The following RAP1A variants were observed in gnomAD, a reference collection of about 807,000 sequenced individuals.
RAP1A encodes the protein ras-related protein Rap-1A.
A neutral mutation model predicts 26.4 loss-of-function variants in RAP1A; 6 were observed. That is an observed-to-expected ratio of 0.23 (90% CI 0.12 to 0.45). The LOEUF is 0.45. RAP1A is among the 20% of genes least tolerant of loss of function. The pLI is 0.99. For missense variants in RAP1A, 121 were observed against 217.2 expected, an observed-to-expected ratio of 0.56 and a Z score of 2.78; for synonymous variants, 73 against 79.4, an observed-to-expected ratio of 0.92 and a Z score of 0.43.
At chr1:111,570,087 C>T (rs930582010) in intron 1 of RAP1A, among the ~76,000 whole-genome samples, 1 of 152,152 alleles carries the variant, frequency 6.6e-6, no homozygotes, top group Admixed American at 6.5e-5. Flanking sequence ...GCCAACCTAA[C>T]CTGCATTTTG....
chr1:111,700,050 C>G (rs1429017308), intron 4 of RAP1A, among the ~76,000 whole-genome samples: 1 of 152,170 alleles, frequency 6.6e-6, no homozygotes, highest in Non-Finnish European at 1.5e-5. Flanking sequence ...TCCTAAGTCT[C>G]CTTTCCTAAT....
chr1:111,542,850 C>G (rs927014832), intron 1 of RAP1A, among the ~76,000 whole-genome samples: 1 of 152,070 alleles, frequency 6.6e-6, no homozygotes, highest in Non-Finnish European at 1.5e-5. Flanking sequence ...GCATGAACCA[C>G]CATGGCTGGC....
chr1:111,626,821 C>G (rs574597375), intron 1 of RAP1A, among the ~76,000 whole-genome samples: 4 of 152,238 alleles, frequency 2.6e-5, no homozygotes, highest in Admixed American at 6.5e-5. Context: ...GTCCATTTAA[C>G]TGTGATTCTT....
At chr1:111,550,505 C>A (rs1204924337) in intron 1 of RAP1A, among the ~76,000 whole-genome samples, 3 of 152,152 alleles carry the variant, frequency 2.0e-5, no homozygotes, top group Admixed American at 2.0e-4. Flanking sequence ...CCAACATTCC[C>A]TGTATCCCAT....
upstream of RAP1A, among the ~76,000 whole-genome samples, chr1:111,542,014 T>C (rs1272117214): frequency 1.3e-5 from 2 of 151,986 alleles, no homozygotes; most frequent in African/African-American, 4.8e-5. Flanking sequence ...ACACCATTCA[T>C]TCCATAAGCA....
At chr1:111,629,361 T>C (rs1048971943) in intron 1 of RAP1A, among the ~76,000 whole-genome samples, 1 of 152,170 alleles carries the variant, frequency 6.6e-6, no homozygotes, top group Non-Finnish European at 1.5e-5. Context: ...ACTTTCCACT[T>C]GACTGAATAA....
intron 1 of RAP1A, among the ~76,000 whole-genome samples, chr1:111,545,981 G>A (rs1486237723): frequency 1.3e-5 from 2 of 152,142 alleles, no homozygotes; most frequent in Non-Finnish European, 2.9e-5. Flanking sequence ...TAGTCTATAT[G>A]TCTAGCCTTA....
chr1:111,562,439 T>C (rs1657777012), intron 1 of RAP1A, among the ~76,000 whole-genome samples: 1 of 152,182 alleles, frequency 6.6e-6, no homozygotes, highest in Admixed American at 6.5e-5. Context: ...AGAAATAAAA[T>C]GTTAATCATT....
At chr1:111,549,232 A>T (rs1056629963) in intron 1 of RAP1A, among the ~76,000 whole-genome samples, 1 of 152,028 alleles carries the variant, frequency 6.6e-6, no homozygotes, top group African/African-American at 2.4e-5. Context: ...TATTTTTTTA[A>T]AAAATCTTTG....
At chr1:111,624,719 T>G (rs2101094569) in intron 1 of RAP1A, among the ~76,000 whole-genome samples, 1 of 152,328 alleles carries the variant, frequency 6.6e-6, no homozygotes, top group African/African-American at 2.4e-5. Flanking sequence ...TGTATGGTTA[T>G]TAAGGTAGAG....
At chr1:111,641,612 T>C (rs1402073939) in intron 1 of RAP1A, among the ~76,000 whole-genome samples, 2 of 152,094 alleles carry the variant, frequency 1.3e-5, no homozygotes, top group Non-Finnish European at 2.9e-5. Flanking sequence ...TTTCTCTATC[T>C]TCTAGAAGGA....
intron 1 of RAP1A, among the ~76,000 whole-genome samples, chr1:111,631,506 T>A (rs2101104040): frequency 6.6e-6 from 1 of 152,290 alleles, no homozygotes; most frequent in South Asian, 2.1e-4. Context: ...TTTTTACAGG[T>A]GATGAAACTC....
At chr1:111,615,829 C>CAA (rs34751097), upstream of RAP1A, among the ~76,000 whole-genome samples, 71 of 86,068 alleles carry the variant, frequency 8.2e-4, no homozygotes, top group African/African-American at 1.1e-3. Context: ...GACTCTGTCT[C>CAA]AAAAAAAAAA....
intron 1 of RAP1A, among the ~76,000 whole-genome samples, chr1:111,578,854 G>A (rs761182920): frequency 1.4e-4 from 21 of 152,130 alleles, no homozygotes; most frequent in Non-Finnish European, 2.8e-4. Context: ...TCACCAACCG[G>A]CTATAAACTG....
intron 1 of RAP1A, among the ~76,000 whole-genome samples, chr1:111,556,277 G>A (rs1657489832): frequency 6.6e-6 from 1 of 152,152 alleles, no homozygotes; most frequent in African/African-American, 2.4e-5. Context: ...CAGATAACAA[G>A]TATTGGTGAG....
chr1:111,695,122 T>C (rs1661786472), intron 2 of RAP1A, among the ~76,000 whole-genome samples: 2 of 152,308 alleles, frequency 1.3e-5, no homozygotes, highest in South Asian at 4.1e-4. Flanking sequence ...ATTATCAGTA[T>C]TGATGACAGT....
At chr1:111,691,206 C>A in intron 1 of RAP1A, 128 bp from the exon 2 acceptor site, 1 of 471,258 alleles carries the variant, frequency 2.1e-6, no homozygotes, top group Non-Finnish European at 3.7e-6. Context: ...TGCCATGTAG[C>A]TTCTGTTGTC....
chr1:111,693,406 AT>A (rs2101251821), intron 2 of RAP1A, among the ~76,000 whole-genome samples: 1 of 152,210 alleles, frequency 6.6e-6, no homozygotes, highest in African/African-American at 2.4e-5. Flanking sequence ...AGTAAAGCAT[AT>A]TTGTATGCTG....
chr1:111,568,375 C>G (rs552150895), intron 1 of RAP1A, among the ~76,000 whole-genome samples: 1 of 152,200 alleles, frequency 6.6e-6, no homozygotes, highest in East Asian at 1.9e-4. Context: ...GGAACCCACA[C>G]GTGGTGGGGA....
Sources: gnomAD v4.1 joint callset for allele counts (sites outside exome capture counted in the v4.1 genomes callset) on GRCh38, gnomAD v4.1.1 for gene constraint, MANE v1.5 for transcripts, NCBI Gene and HGNC (gene_info 2026-07-23, HGNC 2026-07-21) for gene names.